Variants in SLIT3 observed in about 807,000 individuals in gnomAD.
SLIT3 encodes the protein slit homolog 3 protein.
Under a neutral mutation model 184.0 loss-of-function variants are expected in SLIT3, and 68 were observed. That is an observed-to-expected ratio of 0.37 (90% CI 0.30 to 0.45). The LOEUF (loss-of-function observed/expected upper bound fraction) is 0.45. Ranked by LOEUF, SLIT3 falls within the 20% of genes least tolerant of loss-of-function variation. The probability of loss-of-function intolerance (pLI) is 1.00; values close to 1 mark genes in which losing one functional copy is unlikely to be tolerated. For synonymous variants in SLIT3, 831 were observed against 828.6 expected (o/e 1.00, Z -0.05); for missense variants, 1,707 against 2,026.0 (o/e 0.84, Z 3.02).
chr5:168,753,080 C>T lies in SLIT3; in HGVS notation c.1848G>A (p.Leu616=). The T allele has an allele frequency of 1.2e-6, 2 of 1,614,092 alleles. No homozygotes were observed. Among genetic ancestry groups the T allele is most frequent in the Non-Finnish European group, 8.5e-7 (1 of 1,180,002 alleles). Residue 616 remains leucine, a synonymous_variant, in exon 18 of 36, where the codon TTG becomes TTA. Coordinates refer to ENST00000519560, the MANE Select transcript of SLIT3 (RefSeq NM_003062.4). ...AGGTGTCATTACTCACACAGCCGATCAAGTTACTCCTCAGCATCCTACAGG... is the reference window on the plus strand; with the variant it reads ...AGGTGTCATTACTCACACAGCCGATTAAGTTACTCCTCAGCATCCTACAGG... The part of the protein sequence containing the change: ...GLKTLMLRSN[L]IGCVSNDTFA...
chr5:168,872,742 G>A (rs1403553354), intron 5 of SLIT3, among the ~76,000 whole-genome samples: 7 of 149,320 alleles, frequency 4.7e-5, no homozygotes, highest in Admixed American at 1.3e-4. Flanking sequence ...AGGTTCAAGT[G>A]ATTCTCCTGC....
chr5:168,885,134 G>A (rs11134542), intron 4 of SLIT3, among the ~76,000 whole-genome samples: 56,680 of 151,966 alleles, frequency 0.37, 11,738 homozygotes, highest in East Asian at 0.59. Flanking sequence ...CAAGCCATGT[G>A]CTCTGAGCAG....
At chr5:168,733,425 A>ACAC in intron 20 of SLIT3, among the ~76,000 whole-genome samples, 1 of 152,352 alleles carries the variant, frequency 6.6e-6, no homozygotes, top group East Asian at 1.9e-4. Context: ...TGATCCAGCA[A>ACAC]CACCACTACT....
At chr5:168,963,780 C>A (rs1057495542) in intron 4 of SLIT3, among the ~76,000 whole-genome samples, 7 of 152,208 alleles carry the variant, frequency 4.6e-5, no homozygotes, top group Admixed American at 2.6e-4. Flanking sequence ...AAGAGGCTGA[C>A]CTTCATCTTC....
At chr5:168,670,862 C>A (rs911637996) in intron 34 of SLIT3, among the ~76,000 whole-genome samples, 1 of 152,178 alleles carries the variant, frequency 6.6e-6, no homozygotes, top group Non-Finnish European at 1.5e-5. Flanking sequence ...ACACCTGGTG[C>A]CTTGCACAGG....
At chr5:169,130,872 C>G (rs1465667070) in intron 4 of SLIT3, among the ~76,000 whole-genome samples, 1 of 151,968 alleles carries the variant, frequency 6.6e-6, no homozygotes, top group Non-Finnish European at 1.5e-5. Context: ...AAAATGCATG[C>G]TACAGAATGA....
intron 3 of SLIT3, among the ~76,000 whole-genome samples, chr5:169,243,284 G>A (rs142241584): frequency 1.2e-4 from 18 of 152,236 alleles, no homozygotes; most frequent in African/African-American, 2.9e-4. Flanking sequence ...AAAGGACCAC[G>A]TATTCATTTT....
At chr5:169,263,363 A>G (rs746255134) in intron 1 of SLIT3, among the ~76,000 whole-genome samples, 1 of 151,934 alleles carries the variant, frequency 6.6e-6, no homozygotes, top group Non-Finnish European at 1.5e-5. Context: ...AGACGACGAG[A>G]CAGACATGCA....
intron 4 of SLIT3, among the ~76,000 whole-genome samples, chr5:168,939,195 G>A (rs1478195076): frequency 6.6e-6 from 1 of 152,212 alleles, no homozygotes; most frequent in Non-Finnish European, 1.5e-5. Flanking sequence ...ACGTAGCTGC[G>A]CTGTGGGTCA....
At chr5:168,842,442 C>T (rs144383162) in intron 6 of SLIT3, among the ~76,000 whole-genome samples, 1 of 146,168 alleles carries the variant, frequency 6.8e-6, no homozygotes, top group Non-Finnish European at 1.5e-5. Context: ...CTTGGAGACA[C>T]CTGGTGCATC....
At chr5:168,934,578 G>C (rs540121923) in intron 4 of SLIT3, among the ~76,000 whole-genome samples, 5 of 152,118 alleles carry the variant, frequency 3.3e-5, no homozygotes, top group Non-Finnish European at 7.4e-5. Flanking sequence ...GCGGCTGTGG[G>C]AGCACACAGG....
At chr5:169,069,146 G>A (rs1437722684) in intron 4 of SLIT3, among the ~76,000 whole-genome samples, 1 of 152,112 alleles carries the variant, frequency 6.6e-6, no homozygotes, top group East Asian at 1.9e-4. Flanking sequence ...TGATAACAAT[G>A]ACCACCCCCA....
intron 4 of SLIT3, among the ~76,000 whole-genome samples, chr5:169,123,912 A>C (rs1760980540): frequency 6.6e-6 from 1 of 152,158 alleles, no homozygotes; most frequent in Non-Finnish European, 1.5e-5. Flanking sequence ...TGTTATGAGA[A>C]AGTTAGCCAA....
At chr5:169,102,682 A>AG (rs948183390) in intron 4 of SLIT3, among the ~76,000 whole-genome samples, 52 of 152,164 alleles carry the variant, frequency 3.4e-4, no homozygotes, top group African/African-American at 1.2e-3. Context: ...TGTAGCTAGA[A>AG]AAAGAGAGAA....
intron 4 of SLIT3, among the ~76,000 whole-genome samples, chr5:169,183,420 C>T (rs1361890849): frequency 6.6e-6 from 1 of 152,152 alleles, no homozygotes; most frequent in Non-Finnish European, 1.5e-5. Flanking sequence ...TTTTCTGAAG[C>T]CCTTACACAT....
chr5:168,663,064 G>T lies in SLIT3; in HGVS notation c.*3390C>A, dbSNP rs527519693. On this transcript the variant is annotated 3_prime_UTR_variant, in exon 36 of 36. Transcript: ENST00000519560. The stretch of plus-strand genomic sequence containing the variant: ...CCTTTTGCTGTCTTGGTTGATGGGG[G>T]CTGGATTCAGGATTGGGCCCAGGGT... The T allele has an allele frequency of 6.6e-6, 1 of 152,366 alleles. No individual in the cohort carries two copies. Among genetic ancestry groups the T allele is most frequent in the South Asian group, 2.1e-4 (1 of 4,824 alleles). 9.4% of individuals were successfully genotyped at this position (152,366 alleles called of 1,614,324 possible).
At position 169,300,638 on chromosome 5, in the gene SLIT3, G is replaced by C. The variant is rs1427792802; in HGVS notation, c.72C>G (p.Ser24Arg). 1.4e-6 allele frequency: 2 copies of C among 1,481,244 alleles called. No individual in the cohort carries two copies. The highest frequency in any genetic ancestry group is 4.6e-5 in the Admixed American group (2 of 43,454). The allele number at this position is 1,481,244 out of a possible 1,614,324, so 91.8% of individuals were successfully genotyped here. A position where few individuals can be genotyped will look rare whatever the true frequency, so the allele number is the denominator to read the frequency against. ...ARLALALALA[S>R]VLSGPPAVAC... ...CGACGGCTGGAGGCCCACTCAGGAC[G>C]CTCGCCAGCGCCAAGGCCAGCGCCA... The change falls in exon 1 of 36, where the codon AGC becomes AGG. Residue 24 changes from serine (S) to arginine (R), a missense_variant. Physicochemically the swap from Ser to Arg is moderately radical, Grantham distance 110. Transcript: ENST00000519560. This position sits in a 1 kb window ranked among gnomAD's most constrained non-coding sequence, Gnocchi z 4.1.
chr5:168,997,992 TCTCC>T (rs1755572223), intron 4 of SLIT3, among the ~76,000 whole-genome samples: 1 of 151,956 alleles, frequency 6.6e-6, no homozygotes, highest in South Asian at 2.1e-4. Context: ...ATGCCCTCTC[TCTCC>T]CTCCATCTCT....
intron 31 of SLIT3, 140 bp from the exon 32 acceptor site, chr5:168,684,236 T>C (rs1761678543): frequency 7.8e-6 from 7 of 895,796 alleles, no homozygotes; most frequent in Non-Finnish European, 9.5e-6. Flanking sequence ...TCCTCCTCCA[T>C]CTAGTCAGTA....
Sources: gnomAD v4.1 joint callset for allele counts (sites outside exome capture counted in the v4.1 genomes callset) on GRCh38, gnomAD v4.1.1 for gene constraint, Gnocchi (gnomAD v3.1) non-coding constraint, MANE v1.5 for transcripts, NCBI Gene and HGNC (gene_info 2026-07-23, HGNC 2026-07-21) for gene names.